HPGDS: variants seen among roughly 807,000 people sequenced by gnomAD.
The protein encoded by HPGDS is GST class-sigma.
HPGDS carries 26 observed loss-of-function variants against 23.1 expected under a neutral mutation model. The ratio of observed to expected loss-of-function variants is 1.13; its 90% CI spans 0.83 to 1.56. The LOEUF is 1.56. HPGDS is among the 40% of genes most tolerant of loss of function. HPGDS has a pLI of 0.00. For missense variants in HPGDS, 268 were observed against 236.4 expected (o/e 1.13, Z -0.88); for synonymous variants, 95 against 77.9 (o/e 1.22, Z -1.16).
intron 3 of HPGDS, among the ~76,000 whole-genome samples, chr4:94,312,118 T>A (rs890824360): frequency 2.0e-5 from 3 of 152,072 alleles, no homozygotes; most frequent in African/African-American, 4.8e-5. Flanking sequence ...TTTTGAAGGG[T>A]TTTTTGTGTC....
At chr4:94,312,270 G>A (rs1395662402) in intron 3 of HPGDS, among the ~76,000 whole-genome samples, 1 of 152,042 alleles carries the variant, frequency 6.6e-6, no homozygotes, top group Non-Finnish European at 1.5e-5. Flanking sequence ...TCTCTTGTGG[G>A]CATTTAGTGC....
At chr4:94,330,906 T>G (rs982947968) in intron 2 of HPGDS, among the ~76,000 whole-genome samples, 2 of 152,170 alleles carry the variant, frequency 1.3e-5, no homozygotes, top group African/African-American at 4.8e-5. Flanking sequence ...ATTTGCCAAT[T>G]GGGAAGTCCC....
At chr4:94,335,641 G>A (rs1447729985) in intron 1 of HPGDS, among the ~76,000 whole-genome samples, 1 of 152,102 alleles carries the variant, frequency 6.6e-6, no homozygotes, top group Non-Finnish European at 1.5e-5. Flanking sequence ...AAGGTACGTA[G>A]CACAATGGCA....
At chr4:94,303,122 A>C (rs1477266924) in intron 4 of HPGDS, among the ~76,000 whole-genome samples, 1 of 152,176 alleles carries the variant, frequency 6.6e-6, no homozygotes. Flanking sequence ...GATAGTGGAT[A>C]CTGTACCAAT....
chr4:94,341,642 GAC>G (rs1245975760), intron 1 of HPGDS, among the ~76,000 whole-genome samples: 1 of 152,166 alleles, frequency 6.6e-6, no homozygotes, highest in East Asian at 1.9e-4. Context: ...GGGCATTCCA[GAC>G]ACAGTTTTTT....
chr4:94,339,462 A>G (rs934323625), intron 1 of HPGDS, among the ~76,000 whole-genome samples: 1 of 152,226 alleles, frequency 6.6e-6, no homozygotes, highest in Non-Finnish European at 1.5e-5. Flanking sequence ...AAGCTCATTT[A>G]GAATTCTGTT....
intron 1 of HPGDS, among the ~76,000 whole-genome samples, chr4:94,335,351 T>G (rs1720978070): frequency 6.6e-6 from 1 of 152,240 alleles, no homozygotes; most frequent in Non-Finnish European, 1.5e-5. Context: ...TCAAAACGTT[T>G]GCTAATACCG....
intron 1 of HPGDS, among the ~76,000 whole-genome samples, chr4:94,338,602 TAA>T (rs1560597245): frequency 1.3e-5 from 2 of 152,222 alleles, no homozygotes; most frequent in Admixed American, 6.5e-5. Context: ...CTTAACCATA[TAA>T]AGAGTCTCTA....
intron 3 of HPGDS, among the ~76,000 whole-genome samples, chr4:94,316,882 T>A (rs1227531924): frequency 1.3e-5 from 2 of 152,260 alleles, no homozygotes; most frequent in Non-Finnish European, 2.9e-5. Flanking sequence ...CAGGTCCAAG[T>A]CTTCCTCTTG....
intron 3 of HPGDS, among the ~76,000 whole-genome samples, chr4:94,312,211 G>A (rs1756289685): frequency 6.6e-6 from 1 of 151,994 alleles, no homozygotes; most frequent in South Asian, 2.1e-4. Flanking sequence ...TGCTTTTCTA[G>A]TTCTTTTAAT....
chr4:94,327,203 A>C (rs764727538), intron 2 of HPGDS, among the ~76,000 whole-genome samples: 1 of 152,166 alleles, frequency 6.6e-6, no homozygotes, highest in East Asian at 1.9e-4. Context: ...GTGAGTCCCA[A>C]TGACAGTGGC....
intron 1 of HPGDS, among the ~76,000 whole-genome samples, chr4:94,337,197 C>A (rs1349239169): frequency 6.6e-6 from 1 of 152,026 alleles, no homozygotes; most frequent in Non-Finnish European, 1.5e-5. Context: ...GATTGGTCTC[C>A]CAACCTCAGG....
At chr4:94,324,051 T>A (rs1451661268) in intron 2 of HPGDS, among the ~76,000 whole-genome samples, 1 of 152,222 alleles carries the variant, frequency 6.6e-6, no homozygotes, top group African/African-American at 2.4e-5. Context: ...AATTCTGGGT[T>A]GAAAATTGTT....
At chr4:94,330,774 G>A (rs1482405314) in intron 2 of HPGDS, among the ~76,000 whole-genome samples, 1 of 151,962 alleles carries the variant, frequency 6.6e-6, no homozygotes, top group Non-Finnish European at 1.5e-5. Context: ...TGATGTGTTT[G>A]TATCATAGTT....
intron 2 of HPGDS, among the ~76,000 whole-genome samples, chr4:94,325,236 C>G (rs1393892050): frequency 6.6e-6 from 1 of 152,208 alleles, no homozygotes; most frequent in African/African-American, 2.4e-5. Flanking sequence ...ACTCGGGGGT[C>G]AGGGACCCAG....
intron 2 of HPGDS, among the ~76,000 whole-genome samples, chr4:94,325,203 G>T (rs949179781): frequency 2.6e-5 from 4 of 152,160 alleles, no homozygotes; most frequent in Admixed American, 6.5e-5. Context: ...AGCCCCTACT[G>T]GGAGCTATCT....
intron 2 of HPGDS, among the ~76,000 whole-genome samples, chr4:94,331,546 T>C (rs944132812): frequency 6.6e-6 from 1 of 152,180 alleles, no homozygotes; most frequent in Admixed American, 6.5e-5. Context: ...GCTGTTTCAT[T>C]AAGAAACTCT....
chr4:94,340,277 C>CTT (rs1385398554), intron 1 of HPGDS, among the ~76,000 whole-genome samples: 31 of 42,314 alleles, frequency 7.3e-4, no homozygotes, highest in African/African-American at 2.1e-3. Context: ...TTCTTTCTTT[C>CTT]TTTCTTTCTT....
intron 3 of HPGDS, among the ~76,000 whole-genome samples, chr4:94,311,087 G>T (rs890945973): frequency 1.3e-5 from 2 of 152,124 alleles, no homozygotes; most frequent in East Asian, 1.9e-4. Flanking sequence ...TGCAAACGGG[G>T]ACAATTTGAC....
Sources: allele counts gnomAD v4.1 joint callset (sites outside exome capture counted in the v4.1 genomes callset), GRCh38; gene constraint gnomAD v4.1.1; transcripts MANE v1.5; gene names NCBI Gene and HGNC (gene_info 2026-07-23, HGNC 2026-07-21).